The following PPM1H variants were observed in gnomAD, a reference collection of about 807,000 sequenced individuals.
PPM1H encodes the protein protein phosphatase 1H.
A neutral mutation model predicts 54.9 loss-of-function variants in PPM1H; 27 were observed. The observed-to-expected ratio is 0.49, with a 90% CI of 0.36 to 0.68. The LOEUF is 0.68. PPM1H is among the 30% of genes least tolerant of loss of function. PPM1H has a pLI of 0.00. For missense variants in PPM1H, 596 were observed against 667.8 expected, an observed-to-expected ratio of 0.89 and a Z score of 1.19; for synonymous variants, 305 against 270.8, an observed-to-expected ratio of 1.13 and a Z score of -1.24.
intron 4 of PPM1H, among the ~76,000 whole-genome samples, chr12:62,780,672 G>C (rs1483138077): frequency 6.6e-6 from 1 of 152,094 alleles, no homozygotes; most frequent in Admixed American, 6.5e-5. Context: ...AGCTTCACCT[G>C]GTATTTACCC....
At chr12:62,894,938 C>A (rs1448064692) in intron 1 of PPM1H, among the ~76,000 whole-genome samples, 1 of 152,182 alleles carries the variant, frequency 6.6e-6, no homozygotes, top group African/African-American at 2.4e-5. Context: ...TGCATGGCAA[C>A]TTTGTAAAAC....
At chr12:62,913,254 T>A (rs1871513546) in intron 1 of PPM1H, among the ~76,000 whole-genome samples, 1 of 152,140 alleles carries the variant, frequency 6.6e-6, no homozygotes, top group Non-Finnish European at 1.5e-5. Context: ...AAAAAGAACC[T>A]GAAGGAGTCC....
At chr12:62,807,462 T>C (rs539453268) in intron 2 of PPM1H, among the ~76,000 whole-genome samples, 21 of 152,166 alleles carry the variant, frequency 1.4e-4, no homozygotes, top group African/African-American at 5.1e-4. Context: ...GAGCTCTAAC[T>C]CATAGGAAAG....
At chr12:62,900,602 A>G (rs1399953264) in intron 1 of PPM1H, among the ~76,000 whole-genome samples, 1 of 151,436 alleles carries the variant, frequency 6.6e-6, no homozygotes, top group Non-Finnish European at 1.5e-5. Flanking sequence ...AGTAGTTAAA[A>G]AAAAAAAAAA....
intron 1 of PPM1H, among the ~76,000 whole-genome samples, chr12:62,879,868 G>A (rs1047915190): frequency 5.9e-5 from 9 of 152,166 alleles, no homozygotes; most frequent in African/African-American, 1.9e-4. Context: ...GAATCTCTGG[G>A]AAGTTGGGTC....
chr12:62,649,912 T>C (rs964338254), intron 9 of PPM1H, among the ~76,000 whole-genome samples: 1 of 152,220 alleles, frequency 6.6e-6, no homozygotes, highest in Non-Finnish European at 1.5e-5. Flanking sequence ...GCCAGACTGG[T>C]AAATCATCAA....
At chr12:62,661,880 C>CTGAT (rs1390426201) in intron 9 of PPM1H, among the ~76,000 whole-genome samples, 4 of 152,232 alleles carry the variant, frequency 2.6e-5, no homozygotes, top group Non-Finnish European at 4.4e-5. Context: ...AATCTGCAGA[C>CTGAT]TGATAGTCTA....
intron 4 of PPM1H, among the ~76,000 whole-genome samples, chr12:62,752,210 TG>T (rs1390868665): frequency 6.6e-6 from 1 of 152,242 alleles, no homozygotes; most frequent in Non-Finnish European, 1.5e-5. Context: ...AGTATATGTA[TG>T]AAGGGACTTT....
At chr12:62,904,312 C>T (rs1871246026) in intron 1 of PPM1H, among the ~76,000 whole-genome samples, 1 of 151,954 alleles carries the variant, frequency 6.6e-6, no homozygotes, top group African/African-American at 2.4e-5. Context: ...GATCTTGGCT[C>T]ACTGCAACCT....
chr12:62,754,250 GAGA>G (rs527282646), intron 4 of PPM1H, among the ~76,000 whole-genome samples: 78 of 152,282 alleles, frequency 5.1e-4, no homozygotes, highest in African/African-American at 1.7e-3. Context: ...TCTGCACTGT[GAGA>G]AGGAGAGAGT....
chr12:62,803,946 C>G (rs2076788260), intron 2 of PPM1H, among the ~76,000 whole-genome samples: 1 of 152,146 alleles, frequency 6.6e-6, no homozygotes, highest in Admixed American at 6.5e-5. Flanking sequence ...AAATGGCCAG[C>G]AGGCTTGTGA....
intron 4 of PPM1H, among the ~76,000 whole-genome samples, chr12:62,758,328 C>A (rs2076487608): frequency 6.6e-6 from 1 of 152,214 alleles, no homozygotes. Flanking sequence ...ATGAACCTCA[C>A]AGATGCAAAC....
Position 62,802,178 on chromosome 12 carries a change from A to C in PPM1H, c.412-18T>G. 1 of 1,538,020 alleles carries C rather than the reference A, an allele frequency of 6.5e-7. No individual in the cohort carries two copies. Among genetic ancestry groups the C allele is most frequent in the South Asian group, 1.3e-5 (1 of 79,670 alleles). ...TCGGATTCCTGTGGGAGAGGACGAC[A>C]GGGAGGAGTGAGAACGGCTGTGGAC... On this transcript the variant is annotated intron_variant, in intron 2 of 9. Transcript: ENST00000228705.
At chr12:62,737,889 G>A (rs756226386) in intron 4 of PPM1H, among the ~76,000 whole-genome samples, 3 of 152,160 alleles carry the variant, frequency 2.0e-5, no homozygotes, top group Admixed American at 6.5e-5. Context: ...ATAAATGGAC[G>A]GATGGATGAA....
Position 62,647,237 on chromosome 12 carries a change from A to ATTCT in PPM1H, c.*1248_*1251dup, listed in dbSNP as rs771612808. ...AGGGACCTTGAGGAGCTGGGACATG[A>ATTCT]TTCTTTAGAGAAGAGAAGAGACAGG... is the stretch of plus-strand genomic sequence containing the variant. On this transcript the variant is annotated 3_prime_UTR_variant, in exon 10 of 10. Transcript: ENST00000228705. 7.9e-5 allele frequency: 12 copies of ATTCT among 152,400 alleles called. No homozygotes were observed. Among genetic ancestry groups the ATTCT allele is most frequent in the East Asian group, 7.7e-4 (4 of 5,172 alleles). 9.4% of individuals were successfully genotyped at this position (152,400 alleles called of 1,614,324 possible). A position where few individuals can be genotyped will look rare whatever the true frequency, so the allele number is the denominator to read the frequency against.
chr12:62,921,621 A>G (rs17098577), intron 1 of PPM1H, among the ~76,000 whole-genome samples: 16,774 of 152,236 alleles, frequency 0.11, 991 homozygotes, highest in East Asian at 0.22. Flanking sequence ...AAAGATTCCC[A>G]TTAAAACTTG....
At chr12:62,819,888 G>T (rs1473263608) in intron 2 of PPM1H, among the ~76,000 whole-genome samples, 2 of 152,168 alleles carry the variant, frequency 1.3e-5, no homozygotes, top group African/African-American at 4.8e-5. Context: ...TCTGCATTTC[G>T]AACTGAGGTA....
chr12:62,850,895 T>A (rs1178365351), intron 1 of PPM1H: 3 of 151,746 alleles, frequency 2.0e-5, no homozygotes, highest in Non-Finnish European at 2.9e-5. Flanking sequence ...CCCTGCCAGG[T>A]AAGAATGGGA....
chr12:62,749,975 C>T (rs759783877), intron 4 of PPM1H, among the ~76,000 whole-genome samples: 1 of 152,042 alleles, frequency 6.6e-6, no homozygotes, highest in African/African-American at 2.4e-5. Flanking sequence ...ACCAGCAACA[C>T]TCATGAAACC....
Sources: gnomAD v4.1 joint callset for allele counts (sites outside exome capture counted in the v4.1 genomes callset) on GRCh38, gnomAD v4.1.1 for gene constraint, MANE v1.5 for transcripts, NCBI Gene and HGNC (gene_info 2026-07-23, HGNC 2026-07-21) for gene names.